The following ASCC1 variants were observed in gnomAD, a reference collection of about 807,000 sequenced individuals.
The protein encoded by ASCC1 is activating signal cointegrator 1 complex subunit 1.
ASCC1 carries 35 observed loss-of-function variants against 46.6 expected under a neutral mutation model. The observed-to-expected ratio is 0.75, with a 90% CI of 0.57 to 0.99. ASCC1 has a LOEUF of 0.99. ASCC1 is among the 50% of genes least tolerant of loss of function. The pLI is 0.00. For missense variants in ASCC1, 376 were observed against 428.7 expected (o/e 0.88, Z 1.09); for synonymous variants, 143 against 146.6 (o/e 0.98, Z 0.18).
chr10:72,138,450 A>G (rs1232692194), intron 7 of ASCC1, among the ~76,000 whole-genome samples: 1 of 152,162 alleles, frequency 6.6e-6, no homozygotes, highest in Non-Finnish European at 1.5e-5. Flanking sequence ...CTTTGAAGGG[A>G]CTAATATCCT....
intron 9 of ASCC1, among the ~76,000 whole-genome samples, chr10:72,126,693 A>G (rs918954693): frequency 9.2e-5 from 14 of 152,230 alleles, no homozygotes. Flanking sequence ...AATTAACAAC[A>G]ACAAAAAGCA....
At chr10:72,136,228 C>A (rs1846174261) in intron 7 of ASCC1, among the ~76,000 whole-genome samples, 1 of 152,070 alleles carries the variant, frequency 6.6e-6, no homozygotes. Context: ...ACTTGGAGAA[C>A]TTTTCTGCCT....
chr10:72,215,280 T>C (rs1326343527), intron 1 of ASCC1, among the ~76,000 whole-genome samples: 1 of 152,138 alleles, frequency 6.6e-6, no homozygotes, highest in Non-Finnish European at 1.5e-5. Context: ...GCGCCTGTAG[T>C]CCCAACTACT....
intron 1 of ASCC1, among the ~76,000 whole-genome samples, chr10:72,213,749 G>C (rs956086743): frequency 3.0e-4 from 45 of 151,666 alleles, no homozygotes; most frequent in Non-Finnish European, 2.2e-4. Flanking sequence ...TCTAAAAAAA[G>C]AAAAAGAGGG....
chr10:72,174,811 G>A (rs928250725), intron 5 of ASCC1, among the ~76,000 whole-genome samples: 6 of 152,064 alleles, frequency 3.9e-5, no homozygotes, highest in African/African-American at 9.7e-5. Context: ...CTCTAGCCTC[G>A]GCTTCCTCCT....
chr10:72,191,357 G>C (rs1441252474), intron 5 of ASCC1, among the ~76,000 whole-genome samples: 1 of 151,498 alleles, frequency 6.6e-6, no homozygotes, highest in Non-Finnish European at 1.5e-5. Flanking sequence ...GAGCCACCGC[G>C]CCTGGCTGTT....
At chr10:72,152,534 C>G (rs1471518805) in intron 7 of ASCC1, among the ~76,000 whole-genome samples, 1 of 152,062 alleles carries the variant, frequency 6.6e-6, no homozygotes, top group Admixed American at 6.6e-5. Context: ...CCAAGTAACT[C>G]AGTAGCTACC....
chr10:72,107,091 T>C (rs1842419208), intron 9 of ASCC1, among the ~76,000 whole-genome samples: 2 of 152,110 alleles, frequency 1.3e-5, no homozygotes, highest in South Asian at 4.1e-4. Flanking sequence ...ATATTTCAGA[T>C]GCATTCCTCA....
At chr10:72,098,513 C>T (rs1361701622) in intron 9 of ASCC1, among the ~76,000 whole-genome samples, 1 of 152,220 alleles carries the variant, frequency 6.6e-6, no homozygotes, top group African/African-American at 2.4e-5. Context: ...GCATTAGCCA[C>T]CATACCTGGC....
intron 2 of ASCC1, among the ~76,000 whole-genome samples, chr10:72,211,557 C>T (rs1420215136): frequency 1.3e-5 from 2 of 151,934 alleles, no homozygotes; most frequent in Non-Finnish European, 2.9e-5. Context: ...CCACTGCACT[C>T]CAGAATGCGC....
At chr10:72,184,366 C>A (rs1853131965) in intron 5 of ASCC1, among the ~76,000 whole-genome samples, 1 of 152,050 alleles carries the variant, frequency 6.6e-6, no homozygotes, top group South Asian at 2.1e-4. Flanking sequence ...AGATGTCAGA[C>A]TGCAATTTAA....
intron 9 of ASCC1, among the ~76,000 whole-genome samples, chr10:72,108,629 T>C (rs1275532156): frequency 6.6e-6 from 1 of 152,224 alleles, no homozygotes; most frequent in East Asian, 1.9e-4. Flanking sequence ...AACTGAGTTC[T>C]GATCCTTTCC....
chr10:72,110,885 T>A (rs1296043341), intron 9 of ASCC1, among the ~76,000 whole-genome samples: 3 of 152,224 alleles, frequency 2.0e-5, no homozygotes, highest in Admixed American at 2.0e-4. Flanking sequence ...GGCCTTGGAT[T>A]GGCTCCCTGG....
chr10:72,118,652 G>A (rs1293257470), intron 9 of ASCC1, among the ~76,000 whole-genome samples: 1 of 151,708 alleles, frequency 6.6e-6, no homozygotes, highest in Non-Finnish European at 1.5e-5. Flanking sequence ...GGTGGTGCAC[G>A]CCTGTAGTCC....
At chr10:72,178,666 C>T (rs1852169007) in intron 5 of ASCC1, among the ~76,000 whole-genome samples, 1 of 152,128 alleles carries the variant, frequency 6.6e-6, no homozygotes, top group African/African-American at 2.4e-5. Context: ...CAGTCCAGCC[C>T]ACTGGGTCTT....
At chr10:72,117,257 T>C (rs550828572) in intron 9 of ASCC1, among the ~76,000 whole-genome samples, 1 of 152,356 alleles carries the variant, frequency 6.6e-6, no homozygotes, top group East Asian at 1.9e-4. Context: ...TTTCCTCTTA[T>C]GTCTAATCAT....
At chr10:72,193,490 CAT>C (rs781649162) in intron 5 of ASCC1, among the ~76,000 whole-genome samples, 143 of 151,190 alleles carry the variant, frequency 9.5e-4, no homozygotes, top group African/African-American at 2.5e-3. Context: ...CACACACACA[CAT>C]GATAAAACTA....
At chr10:72,100,229 C>G (rs1841583128) in intron 9 of ASCC1, among the ~76,000 whole-genome samples, 1 of 143,532 alleles carries the variant, frequency 7.0e-6, no homozygotes, top group Admixed American at 7.0e-5. Flanking sequence ...ATTGTTATAT[C>G]TTTTTTTTTT....
At chr10:72,118,283 C>T (rs779402744) in intron 9 of ASCC1, among the ~76,000 whole-genome samples, 21 of 151,250 alleles carry the variant, frequency 1.4e-4, no homozygotes, top group Admixed American at 3.9e-4. Context: ...AGGAGAATGG[C>T]GTGAACCCGG....
Sources: allele counts gnomAD v4.1 joint callset (sites outside exome capture counted in the v4.1 genomes callset), GRCh38; gene constraint gnomAD v4.1.1; transcripts MANE v1.5; gene names NCBI Gene and HGNC (gene_info 2026-07-23, HGNC 2026-07-21).